The following ZBTB20 variants were observed in gnomAD, a reference collection of about 807,000 sequenced individuals.
ZBTB20 encodes the protein zinc finger and BTB domain containing 20.
In ZBTB20, 9 loss-of-function variants were observed where a neutral mutation model predicts 56.9. That is an observed-to-expected ratio of 0.16 (90% confidence interval 0.10 to 0.28). The LOEUF (loss-of-function observed/expected upper bound fraction) is 0.28, where lower values mean the gene tolerates loss of function less well. Among genes scored for constraint, ZBTB20 ranks in the 10% least tolerant of loss-of-function variants. ZBTB20 has a pLI of 1.00. For missense variants in ZBTB20, 655 were observed against 1,003.0 expected (o/e 0.65, Z 4.69); for synonymous variants, 417 against 420.7 (o/e 0.99, Z 0.11).
chr3:114,365,328 A>G (rs2082286013), intron 10 of ZBTB20, among the ~76,000 whole-genome samples: 1 of 152,178 alleles, frequency 6.6e-6, no homozygotes, highest in Admixed American at 6.5e-5. Context: ...GTTTTCCTAC[A>G]CATCCATCTA....
rs2079147949 is a variant in ZBTB20, at chr3:114,328,994, A to G, written c.*10011T>C. 6.6e-6 allele frequency: 1 copy of G among 152,242 alleles called. No homozygotes were observed. The highest frequency in any genetic ancestry group is 1.5e-5 in the Non-Finnish European group (1 of 68,040). The allele number at this position is 152,242 out of a possible 1,614,324, so 9.4% of individuals were successfully genotyped here. On this transcript the variant is annotated 3_prime_UTR_variant, in exon 12 of 12. Transcript: ENST00000675478. ...AGTCAATTCACAATTATGTTTGTCT[A>G]GTAGAAATATATCTGCTGGAACACT... is the stretch of plus-strand genomic sequence containing the variant.
intron 4 of ZBTB20, among the ~76,000 whole-genome samples, chr3:114,888,834 C>G (rs771523357): frequency 6.6e-6 from 1 of 152,012 alleles, no homozygotes; most frequent in African/African-American, 2.4e-5. Flanking sequence ...AAATTTAAGC[C>G]ATTATAGAAG....
intron 1 of ZBTB20, among the ~76,000 whole-genome samples, chr3:115,072,442 G>C (rs2082444480): frequency 6.6e-6 from 1 of 152,074 alleles, no homozygotes; most frequent in Admixed American, 6.6e-5. Context: ...TAAGGATCTC[G>C]AATAGCTGTG....
intron 5 of ZBTB20, among the ~76,000 whole-genome samples, chr3:114,794,137 T>A (rs148058150): frequency 3.3e-5 from 5 of 152,090 alleles, no homozygotes; most frequent in Admixed American, 3.3e-4. Flanking sequence ...TGCTACTTAA[T>A]CGTTCTGGGG....
chr3:114,771,552 C>G (rs1217636668), intron 5 of ZBTB20, among the ~76,000 whole-genome samples: 1 of 152,130 alleles, frequency 6.6e-6, no homozygotes. Context: ...TGAAAATACA[C>G]AAGATGGCAG....
intron 6 of ZBTB20, among the ~76,000 whole-genome samples, chr3:114,542,202 G>A (rs1169277111): frequency 6.6e-6 from 1 of 152,094 alleles, no homozygotes; most frequent in Non-Finnish European, 1.5e-5. Flanking sequence ...CTGAAGGCAG[G>A]TGAGTTAAAT....
intron 1 of ZBTB20, among the ~76,000 whole-genome samples, chr3:115,081,356 A>G (rs1452084174): frequency 6.6e-6 from 1 of 152,112 alleles, no homozygotes; most frequent in Admixed American, 6.6e-5. Flanking sequence ...TAAAACACAC[A>G]TCTGTAGGGT....
intron 6 of ZBTB20, among the ~76,000 whole-genome samples, chr3:114,593,573 A>G (rs945153710): frequency 2.0e-5 from 3 of 151,838 alleles, no homozygotes; most frequent in African/African-American, 7.3e-5. Flanking sequence ...TAGTAGAGAC[A>G]GGGTTTGTCC....
chr3:114,935,098 C>G (rs1016201352), intron 3 of ZBTB20, among the ~76,000 whole-genome samples: 3 of 152,150 alleles, frequency 2.0e-5, no homozygotes, highest in African/African-American at 7.2e-5. Flanking sequence ...ATGGTAACTT[C>G]TAAGCCCTAC....
intron 6 of ZBTB20, among the ~76,000 whole-genome samples, chr3:114,617,464 C>T (rs573763926): frequency 5.3e-5 from 8 of 152,316 alleles, no homozygotes; most frequent in African/African-American, 1.9e-4. Context: ...TTCAGCTGAA[C>T]ACTCACTGTG....
At chr3:114,768,259 C>T (rs1318912604) in intron 5 of ZBTB20, among the ~76,000 whole-genome samples, 1 of 151,498 alleles carries the variant, frequency 6.6e-6, no homozygotes, top group Admixed American at 6.6e-5. Context: ...GAATTTAGAT[C>T]AATAAAAAAT....
At chr3:114,888,360 G>A (rs904833013) in intron 4 of ZBTB20, among the ~76,000 whole-genome samples, 12 of 152,110 alleles carry the variant, frequency 7.9e-5, no homozygotes, top group Admixed American at 7.9e-4. Flanking sequence ...AGACTGCAGT[G>A]AGCCATGATC....
chr3:114,426,051 C>T (rs376099821), intron 7 of ZBTB20, among the ~76,000 whole-genome samples: 19 of 152,244 alleles, frequency 1.2e-4, no homozygotes, highest in African/African-American at 4.6e-4. Flanking sequence ...AAATTGCCTC[C>T]TCAGCCGGGT....
intron 11 of ZBTB20, among the ~76,000 whole-genome samples, chr3:114,340,084 T>C (rs2079645003): frequency 6.6e-6 from 1 of 152,188 alleles, no homozygotes; most frequent in East Asian, 1.9e-4. Context: ...TTGCCTGTTC[T>C]CTATTGACTG....
At chr3:115,057,866 T>G (rs1367373566) in intron 2 of ZBTB20, among the ~76,000 whole-genome samples, 1 of 152,088 alleles carries the variant, frequency 6.6e-6, no homozygotes, top group African/African-American at 2.4e-5. Flanking sequence ...CTAATAAAGA[T>G]ATACTCAAGA....
intron 7 of ZBTB20, among the ~76,000 whole-genome samples, chr3:114,496,272 T>C (rs2043271912): frequency 6.6e-6 from 1 of 152,016 alleles, no homozygotes; most frequent in Non-Finnish European, 1.5e-5. Context: ...AGACTGGCAG[T>C]AGGTTGGCTG....
intron 10 of ZBTB20, among the ~76,000 whole-genome samples, chr3:114,354,795 G>A (rs1413008452): frequency 2.0e-5 from 3 of 152,000 alleles, no homozygotes; most frequent in Non-Finnish European, 4.4e-5. Context: ...GGCCAGGCTG[G>A]TCTCAAACTC....
At position 114,339,463 on chromosome 3, in the gene ZBTB20, C is replaced by T. The variant is rs759166469; in HGVS notation, c.1805-37G>A. 28 of 1,584,908 alleles carry T rather than the reference C, an allele frequency of 1.8e-5. No homozygotes were observed. The highest frequency in any genetic ancestry group is 1.8e-4 in the African/African-American group (13 of 74,032). ...GGAAGAGACAGCAAGCAGGACAGAG[C>T]GAGACATAGCAAGGGATAGAGAATG... On this transcript the variant is annotated intron_variant, in intron 11 of 11. Coordinates refer to ENST00000675478, the MANE Select transcript of ZBTB20 (RefSeq NM_001348800.3). This position sits in a 1 kb window ranked among gnomAD's most constrained non-coding sequence, Gnocchi z 4.2.
Position 114,546,558 on chromosome 3 carries a change from C to CTT in ZBTB20, c.-294-46169_-294-46168dup, listed in dbSNP as rs10719460. Among the ~76,000 whole-genome samples, 250 of 141,168 alleles carry CTT rather than the reference C, an allele frequency of 1.8e-3. 3 individuals are homozygous for CTT. Among genetic ancestry groups the CTT allele is most frequent in the African/African-American group, 6.0e-3 (227 of 38,078 alleles). 92.6% of individuals were successfully genotyped at this position (141,168 alleles called of 152,430 possible). The stretch of plus-strand genomic sequence containing the variant: ...GAGTCCTTCCTTTTGCAACATACAC[C>CTT]TTTTTTTTTTTTTTTTAATCCAGAC... On this transcript the variant is annotated intron_variant, in intron 6 of 11. Transcript: ENST00000675478.
Sources: gnomAD v4.1 joint callset for allele counts (sites outside exome capture counted in the v4.1 genomes callset) on GRCh38, gnomAD v4.1.1 for gene constraint, Gnocchi (gnomAD v3.1) non-coding constraint, MANE v1.5 for transcripts, NCBI Gene and HGNC (gene_info 2026-07-23, HGNC 2026-07-21) for gene names.